Variants in MYO1E observed in about 807,000 individuals in gnomAD.
MYO1E encodes the protein myosin IE, also known as unconventional myosin-Ie.
MYO1E carries 68 observed loss-of-function variants against 151.1 expected under a neutral mutation model. The observed-to-expected ratio is 0.45, with a 90% confidence interval of 0.37 to 0.55. The LOEUF is 0.55. Ranked by LOEUF, MYO1E falls within the 20% of genes least tolerant of loss-of-function variation. MYO1E has a pLI of 0.00. For synonymous variants in MYO1E, 601 were observed against 501.7 expected, an observed-to-expected ratio of 1.20 and a Z score of -2.64; for missense variants, 1,363 against 1,389.3, an observed-to-expected ratio of 0.98 and a Z score of 0.30.
At chr15:59,258,954 G>GTTTTTTTT (rs201872129) in intron 3 of MYO1E, among the ~76,000 whole-genome samples, 1 of 148,646 alleles carries the variant, frequency 6.7e-6, no homozygotes, top group Non-Finnish European at 1.5e-5. Flanking sequence ...CCCCTCTCTT[G>GTTTTTTTT]TTTTTTTTTG....
chr15:59,255,724 T>C (rs1167662651), intron 4 of MYO1E, among the ~76,000 whole-genome samples: 1 of 152,098 alleles, frequency 6.6e-6, no homozygotes, highest in Non-Finnish European at 1.5e-5. Context: ...CAAAAAAATC[T>C]CATAATGTTT....
intron 1 of MYO1E, among the ~76,000 whole-genome samples, chr15:59,293,299 C>T (rs2080430446): frequency 6.6e-6 from 1 of 152,136 alleles, no homozygotes; most frequent in African/African-American, 2.4e-5. Flanking sequence ...ATTGTCCCAA[C>T]AGTCCATAAT....
chr15:59,224,848 G>A (rs1416039416), intron 7 of MYO1E, 25 bp from the exon 8 acceptor site: 9 of 1,613,984 alleles, frequency 5.6e-6, no homozygotes, highest in Non-Finnish European at 6.8e-6. Context: ...CACAGGTTGA[G>A]CCATGATGTG....
At chr15:59,353,979 A>C (rs1266667592) in intron 1 of MYO1E, among the ~76,000 whole-genome samples, 2 of 152,190 alleles carry the variant, frequency 1.3e-5, no homozygotes, top group East Asian at 1.9e-4. Flanking sequence ...AAAAATGTGC[A>C]TATTTTATTT....
At chr15:59,312,540 G>A (rs2899645) in intron 1 of MYO1E, among the ~76,000 whole-genome samples, 34,900 of 151,976 alleles carry the variant, frequency 0.23, 4,653 homozygotes, top group East Asian at 0.41. Context: ...ATCTTGCTCC[G>A]TCACCCTGGC....
intron 1 of MYO1E, among the ~76,000 whole-genome samples, chr15:59,335,203 C>T (rs1421504311): frequency 6.6e-6 from 1 of 151,804 alleles, no homozygotes; most frequent in Non-Finnish European, 1.5e-5. Context: ...TATTAAAGTG[C>T]AATTTTGACG....
chr15:59,175,375 C>T (rs1243544865), intron 19 of MYO1E, among the ~76,000 whole-genome samples: 5 of 152,126 alleles, frequency 3.3e-5, no homozygotes, highest in African/African-American at 1.2e-4. Context: ...AGTAAACAAG[C>T]CAATGTGGTT....
At chr15:59,229,354 C>T (rs2080011858) in intron 6 of MYO1E, among the ~76,000 whole-genome samples, 1 of 152,076 alleles carries the variant, frequency 6.6e-6, no homozygotes, top group Non-Finnish European at 1.5e-5. Flanking sequence ...CAAAAAGCAC[C>T]CAGCTGATTT....
At chr15:59,286,008 T>C (rs536051565) in intron 1 of MYO1E, among the ~76,000 whole-genome samples, 88 of 152,314 alleles carry the variant, frequency 5.8e-4, no homozygotes, top group South Asian at 3.1e-3. Flanking sequence ...GCAGGAAGAC[T>C]AGCTAGAAAC....
In MYO1E at chr15:59,297,437, A is replaced by ATTTTTTTTTTTTTTTT. The variant is rs755470049; in HGVS notation, c.4-25004_4-24989dup. On this transcript the variant is annotated intron_variant, in intron 1 of 27. Transcript: ENST00000288235. ...AGGTACGCACCACCACACCCAGCTA[A>ATTTTTTTTTTTTTTTT]TTTTTTTTTTTTTTTTTTTTTTTTA... Among the ~76,000 whole-genome samples the ATTTTTTTTTTTTTTTT allele has an allele frequency of 2.5e-3, 161 of 63,458 alleles. 32 individuals are homozygous for ATTTTTTTTTTTTTTTT. Among genetic ancestry groups the ATTTTTTTTTTTTTTTT allele is most frequent in the Middle Eastern group, 0.043 (2 of 46 alleles). The allele number at this position is 63,458 out of a possible 152,430, so 41.6% of individuals were successfully genotyped here. A position where few individuals can be genotyped will look rare whatever the true frequency, so the allele number is the denominator to read the frequency against.
Position 59,268,718 on chromosome 15 carries a change from G to GTTTTTTTTTTTTTTTTTTTTTTTT in MYO1E, c.147+3587_147+3588insAAAAAAAAAAAAAAAAAAAAAAAA, listed in dbSNP as rs1452818863. On this transcript the variant is annotated intron_variant, in intron 2 of 27. Coordinates refer to ENST00000288235, the MANE Select transcript of MYO1E (RefSeq NM_004998.4). The stretch of plus-strand genomic sequence containing the variant: ...TGGTGATGGGTTCTGGGTGACTTTG[G>GTTTTTTTTTTTTTTTTTTTTTTTT]TATTTTTTTTTTTTTTTTTTTTTGC... Among the ~76,000 whole-genome samples, 19 of 12,050 alleles carry GTTTTTTTTTTTTTTTTTTTTTTTT rather than the reference G, an allele frequency of 1.6e-3. 2 individuals carry two copies. Among genetic ancestry groups the GTTTTTTTTTTTTTTTTTTTTTTTT allele is most frequent in the Non-Finnish European group, 2.0e-3 (5 of 2,458 alleles). 7.9% of individuals were successfully genotyped at this position (12,050 alleles called of 152,430 possible).
At chr15:59,275,088 A>G (rs2080310262) in intron 1 of MYO1E, among the ~76,000 whole-genome samples, 1 of 152,206 alleles carries the variant, frequency 6.6e-6, no homozygotes, top group South Asian at 2.1e-4. Flanking sequence ...TCTCCCGACT[A>G]GTAAGTAGCA....
At position 59,242,690 on chromosome 15, in the gene MYO1E, T is replaced by C. The variant is rs867765815; in HGVS notation, c.333-6018A>G. 2.0e-5 allele frequency among the ~76,000 whole-genome samples: 3 copies of C among 152,184 alleles called. No homozygotes were observed. The South Asian group carries it at 6.2e-4, about 32-fold the overall frequency. ...TTGGATGTGGAGAAGGATGTTGTCA[T>C]GATCTGAGAATATATCCCCACAAAA... On this transcript the variant is annotated intron_variant, in intron 4 of 27. Coordinates refer to ENST00000288235, the MANE Select transcript of MYO1E (RefSeq NM_004998.4).
intron 1 of MYO1E, among the ~76,000 whole-genome samples, chr15:59,346,041 T>C (rs2080792408): frequency 6.6e-6 from 1 of 152,210 alleles, no homozygotes; most frequent in Non-Finnish European, 1.5e-5. Flanking sequence ...TTTTATATAA[T>C]TGGTTCTTAG....
rs1446934303 is a variant in MYO1E, at chr15:59,133,068, G to A, written c.*4312C>T. 6.6e-6 allele frequency: 1 copy of A among 152,204 alleles called. No individual in the cohort carries two copies. Among genetic ancestry groups the A allele is most frequent in the Non-Finnish European group, 1.5e-5 (1 of 68,036 alleles). The allele number at this position is 152,204 out of a possible 1,614,324, so 9.4% of individuals were successfully genotyped here. On this transcript the variant is annotated 3_prime_UTR_variant, in exon 28 of 28. Coordinates refer to ENST00000288235, the MANE Select transcript of MYO1E (RefSeq NM_004998.4). ...ACCATCACATTACTAAATATCTGTT[G>A]AATTGGAGAAAATGATTAAAAGCAC...
In MYO1E at chr15:59,153,758, T is replaced by C; in HGVS notation, c.2912A>G (p.Tyr971Cys). The C allele has an allele frequency of 6.2e-7, 1 of 1,614,086 alleles. No individual in the cohort carries two copies. Among genetic ancestry groups the C allele is most frequent in the Non-Finnish European group, 8.5e-7 (1 of 1,179,934 alleles). ...TCCAGGAGCATGGGGATATGGCACA[T>C]ACTGGTTTCTGATGACTCCGTTCTG... is the stretch of plus-strand genomic sequence containing the variant. ...YHQNGVIRNQ[Y>C]VPYPHAPGSQ... The change falls in exon 26 of 28, where the codon TAT becomes TGT. Residue 971 changes from tyrosine (Y) to cysteine (C), a missense_variant. Transcript: ENST00000288235.
intron 1 of MYO1E, among the ~76,000 whole-genome samples, chr15:59,301,592 C>T (rs770247275): frequency 3.3e-5 from 5 of 152,346 alleles, no homozygotes; most frequent in Middle Eastern, 3.4e-3. Context: ...TTCTTGGATG[C>T]TGAGAGGAAT....
chr15:59,209,650 TG>T (rs1184499386), intron 13 of MYO1E, among the ~76,000 whole-genome samples: 1 of 151,826 alleles, frequency 6.6e-6, no homozygotes, highest in Non-Finnish European at 1.5e-5. Flanking sequence ...CACTCTAGCC[TG>T]GGCAACCGAG....
chr15:59,294,645 T>A (rs1351694407), intron 1 of MYO1E, among the ~76,000 whole-genome samples: 1 of 152,184 alleles, frequency 6.6e-6, no homozygotes, highest in Non-Finnish European at 1.5e-5. Flanking sequence ...CCCCTGTCGT[T>A]TCAGCCCCCA....
Sources: gnomAD v4.1 joint callset for allele counts (sites outside exome capture counted in the v4.1 genomes callset) on GRCh38, gnomAD v4.1.1 for gene constraint, MANE v1.5 for transcripts, NCBI Gene and HGNC (gene_info 2026-07-23, HGNC 2026-07-21) for gene names.